ACSL3: variants seen among roughly 807,000 people sequenced by gnomAD.
ACSL3 encodes acyl-CoA synthetase long chain family member 3.
A neutral mutation model predicts 84.7 loss-of-function variants in ACSL3; 34 were observed. The ratio of observed to expected loss-of-function variants is 0.40; its 90% confidence interval spans 0.31 to 0.53. The LOEUF is 0.53. ACSL3 is among the 20% of genes least tolerant of loss of function. ACSL3 has a pLI of 0.48. For synonymous variants in ACSL3, 315 were observed against 299.4 expected (o/e 1.05, Z -0.54); for missense variants, 680 against 873.1 (o/e 0.78, Z 2.79).
rs191694017 is a variant in ACSL3, at chr2:222,914,317, G to T, written c.379-2002G>T. Among the ~76,000 whole-genome samples, 491 of 151,754 alleles carry T rather than the reference G, an allele frequency of 3.2e-3. 1 individual carries two copies. The highest frequency in any genetic ancestry group is 3.1e-3 in the Non-Finnish European group (211 of 67,918). On this transcript the variant is annotated intron_variant, in intron 4 of 16. Coordinates refer to ENST00000357430, the MANE Select transcript of ACSL3 (RefSeq NM_004457.5). ...GTCTCACTCTTGCCCAGGCTGGAGT[G>T]TAGTGGTATGATCATAGCTCTCTGC...
chr2:222,889,475 T>A lies in ACSL3; in HGVS notation c.-148+1587T>A, dbSNP rs546067661. 6.0e-4 allele frequency among the ~76,000 whole-genome samples: 91 copies of A among 152,242 alleles called. 1 individual carries two copies. Among genetic ancestry groups the A allele is most frequent in the South Asian group, 1.0e-3 (5 of 4,832 alleles). ...AATCCCGAAACTTAGAACTCAACCT[T>A]TTCACGTTTGGGAATTGCTTATGTT... On this transcript the variant is annotated intron_variant, in intron 2 of 16. Transcript: ENST00000357430.
intron 4 of ACSL3, among the ~76,000 whole-genome samples, chr2:222,909,459 A>G (rs1480692992): frequency 6.6e-6 from 1 of 152,190 alleles, no homozygotes; most frequent in Non-Finnish European, 1.5e-5. Context: ...GGGTGCTGGA[A>G]ATGGCTCCAG....
chr2:222,928,484 A>G (rs1326948060), intron 12 of ACSL3, among the ~76,000 whole-genome samples: 6 of 152,202 alleles, frequency 3.9e-5, no homozygotes, highest in Non-Finnish European at 2.9e-5. Context: ...GCCCTAATGT[A>G]AGACAATGTG....
chr2:222,865,212 T>C (rs775051272), intron 1 of ACSL3, among the ~76,000 whole-genome samples: 15 of 152,100 alleles, frequency 9.9e-5, no homozygotes, highest in Non-Finnish European at 2.2e-4. Context: ...ATTCTTTTAA[T>C]TTAAAGTTTA....
At chr2:222,878,685 T>A (rs1300202104) in intron 1 of ACSL3, among the ~76,000 whole-genome samples, 1 of 152,240 alleles carries the variant, frequency 6.6e-6, no homozygotes, top group Non-Finnish European at 1.5e-5. Flanking sequence ...ATATAGTGAA[T>A]CTCTCTTCTG....
intron 14 of ACSL3, 128 bp downstream of exon 14, chr2:222,930,940 A>T (rs911532497): frequency 1.3e-6 from 1 of 771,656 alleles, no homozygotes; most frequent in African/African-American, 1.7e-5. Context: ...TTGTTGCATC[A>T]CTCCTGGAAT....
chr2:222,868,853 C>G (rs1420846914), intron 1 of ACSL3, among the ~76,000 whole-genome samples: 1 of 151,786 alleles, frequency 6.6e-6, no homozygotes, highest in Non-Finnish European at 1.5e-5. Flanking sequence ...GCCTGTAATC[C>G]CAGCTACTTG....
chr2:222,934,790 A>T, intron 16 of ACSL3, 103 bp downstream of exon 16: 2 of 1,255,724 alleles, frequency 1.6e-6, no homozygotes, highest in Non-Finnish European at 1.1e-6. Context: ...TTCTGCTCAG[A>T]AACCATTTCT....
chr2:222,917,908 A>G, intron 5 of ACSL3, 138 bp from the exon 6 acceptor site: 1 of 497,682 alleles, frequency 2.0e-6, no homozygotes, highest in Non-Finnish European at 3.5e-6. Context: ...ATAACTTTAA[A>G]AAACATAACA....
intron 1 of ACSL3, among the ~76,000 whole-genome samples, chr2:222,865,824 G>GTGTA (rs1491267504): frequency 6.8e-6 from 1 of 146,482 alleles, no homozygotes; most frequent in Non-Finnish European, 1.5e-5. Flanking sequence ...GTGTGTGTGT[G>GTGTA]TACACAGATG....
At chr2:222,939,884 C>G (rs962335071) in intron 16 of ACSL3, among the ~76,000 whole-genome samples, 13 of 152,202 alleles carry the variant, frequency 8.5e-5, no homozygotes, top group Non-Finnish European at 1.9e-4. Flanking sequence ...ACATTTCTTT[C>G]ATGTATCATA....
chr2:222,909,428 C>A (rs913410481), intron 4 of ACSL3, among the ~76,000 whole-genome samples: 4 of 152,190 alleles, frequency 2.6e-5, no homozygotes, highest in African/African-American at 9.6e-5. Context: ...TGAAACCATA[C>A]TCCCTGTCTC....
At chr2:222,929,395 A>G (rs1220538852) in intron 13 of ACSL3, among the ~76,000 whole-genome samples, 1 of 152,208 alleles carries the variant, frequency 6.6e-6, no homozygotes, top group East Asian at 1.9e-4. Flanking sequence ...TGCCATTTAA[A>G]ATAATGGTCA....
At chr2:222,889,751 T>G (rs1455911842) in intron 2 of ACSL3, among the ~76,000 whole-genome samples, 5 of 152,226 alleles carry the variant, frequency 3.3e-5, no homozygotes, top group Admixed American at 3.3e-4. Context: ...TTCTCATAGC[T>G]ACTTAAGGTG....
At chr2:222,922,554 G>GTCTC (rs56044904) in intron 8 of ACSL3, among the ~76,000 whole-genome samples, 154 bp from the exon 9 acceptor site, 133,970 of 150,748 alleles carry the variant, frequency 0.89, 59,519 homozygotes, top group East Asian at 0.97. Context: ...GTTTTCACCT[G>GTCTC]TCTCTCTCTC....
intron 1 of ACSL3, among the ~76,000 whole-genome samples, chr2:222,869,955 G>A (rs1006250396): frequency 6.6e-6 from 1 of 152,176 alleles, no homozygotes; most frequent in African/African-American, 2.4e-5. Context: ...TAGAAAGGGA[G>A]AACTAGCAGC....
rs370574121 is a variant in ACSL3 at position 222,928,782 on chromosome 2, A to G, written c.1466-80A>G. ...GGATACCTCAGCCTTAGGATAAATA[A>G]TCATTTTTGGTAATTTAGAAAAATG... On this transcript the variant is annotated intron_variant, in intron 12 of 16. Coordinates refer to ENST00000357430, the MANE Select transcript of ACSL3 (RefSeq NM_004457.5). 5,386 of 1,183,602 alleles carry G rather than the reference A, an allele frequency of 4.6e-3. 35 individuals carry two copies. Among genetic ancestry groups the G allele is most frequent in the Middle Eastern group, 0.018 (80 of 4,454 alleles). The allele number at this position is 1,183,602 out of a possible 1,614,324, so 73.3% of individuals were successfully genotyped here.
chr2:222,918,299 T>C, intron 6 of ACSL3, 144 bp downstream of exon 6: 1 of 459,236 alleles, frequency 2.2e-6, no homozygotes, highest in Non-Finnish European at 3.8e-6. Flanking sequence ...TATTTTTTCC[T>C]TTAGAAAATA....
chr2:222,886,590 A>G (rs1400410464), intron 1 of ACSL3, among the ~76,000 whole-genome samples: 1 of 152,216 alleles, frequency 6.6e-6, no homozygotes, highest in Non-Finnish European at 1.5e-5. Context: ...TTCGCAGGTG[A>G]TAGAGAAAAT....
Sources: allele counts gnomAD v4.1 joint callset (sites outside exome capture counted in the v4.1 genomes callset), GRCh38; gene constraint gnomAD v4.1.1; transcripts MANE v1.5; gene names NCBI Gene and HGNC (gene_info 2026-07-23, HGNC 2026-07-21).